Variants in EEF1E1 observed in about 807,000 individuals in gnomAD.
The protein encoded by EEF1E1 is eukaryotic translation elongation factor 1 epsilon 1.
EEF1E1 carries 19 observed loss-of-function variants against 19.9 expected under a neutral mutation model. That is an observed-to-expected ratio of 0.95 (90% CI 0.66 to 1.40). EEF1E1 has a LOEUF of 1.40. Ranked by LOEUF, EEF1E1 falls within the 40% of genes most tolerant of loss-of-function variation. EEF1E1 has a pLI of 0.00. For missense variants in EEF1E1, 198 were observed against 202.2 expected (o/e 0.98, Z 0.13); for synonymous variants, 81 against 80.0 (o/e 1.01, Z -0.07).
At chr6:8,086,855 T>G (rs527647762) in intron 3 of EEF1E1, among the ~76,000 whole-genome samples, 198 of 152,288 alleles carry the variant, frequency 1.3e-3, no homozygotes, top group Admixed American at 3.4e-3. Flanking sequence ...GACAATGGTG[T>G]TACAAATATG....
intron 1 of EEF1E1, among the ~76,000 whole-genome samples, chr6:8,100,358 C>G (rs1758314106): frequency 6.6e-6 from 1 of 152,190 alleles, no homozygotes; most frequent in Admixed American, 6.5e-5. Context: ...TCAGAATTAA[C>G]TTCCTTTTTC....
Position 8,079,792 on chromosome 6 carries a change from T to C in EEF1E1, c.*98A>G, listed in dbSNP as rs1757681392. ...AAATTCTATCAACTTCAACAAATAA[T>C]GAATGACTGTATATTAATTTACATT... On this transcript the variant is annotated 3_prime_UTR_variant, in exon 4 of 4. Transcript: ENST00000379715. 4 of 1,392,068 alleles carry C rather than the reference T, an allele frequency of 2.9e-6. No individual in the cohort carries two copies. The African/African-American group carries it at 5.7e-5, about 20-fold the overall frequency. The allele number at this position is 1,392,068 out of a possible 1,614,324, so 86.2% of individuals were successfully genotyped here.
rs1758388456 is a variant in EEF1E1 at position 8,102,309 on chromosome 6, A to T, written c.87+126T>A. On this transcript the variant is annotated intron_variant, in intron 1 of 3. Coordinates refer to ENST00000379715, the MANE Select transcript of EEF1E1 (RefSeq NM_004280.5). ...GCGCCAGCCGGCTAGCGGCGCAGAC[A>T]CGTGGGGAGCTGGGTAGCAGCATCC... is the stretch of plus-strand genomic sequence containing the variant. 4 of 1,047,350 alleles carry T rather than the reference A, an allele frequency of 3.8e-6. No individual in the cohort carries two copies. In the South Asian group the frequency reaches 6.7e-5, roughly 18 times the overall value. 64.9% of individuals were successfully genotyped at this position (1,047,350 alleles called of 1,614,324 possible). A position where few individuals can be genotyped will look rare whatever the true frequency, so the allele number is the denominator to read the frequency against.
chr6:8,090,887 T>G (rs1365361312), intron 2 of EEF1E1, among the ~76,000 whole-genome samples: 1 of 152,244 alleles, frequency 6.6e-6, no homozygotes, highest in Non-Finnish European at 1.5e-5. Context: ...TTTTTAGGGC[T>G]GCATAATATT....
intron 2 of EEF1E1, 97 bp downstream of exon 2, chr6:8,097,170 G>C: frequency 8.4e-7 from 1 of 1,197,598 alleles, no homozygotes; most frequent in Non-Finnish European, 1.2e-6. Flanking sequence ...AAGGAAAGAG[G>C]TGAAGAAGGC....
At chr6:8,102,398 T>G in intron 1 of EEF1E1, 37 bp downstream of exon 1, 1 of 1,592,576 alleles carries the variant, frequency 6.3e-7, no homozygotes, top group Non-Finnish European at 8.5e-7. Flanking sequence ...CCCGCTCCCG[T>G]CCACCTCTTC....
rs570866609 is a variant in EEF1E1 at position 8,101,757 on chromosome 6, T to G, written c.87+678A>C. 17 of 1,289,290 alleles carry G rather than the reference T, an allele frequency of 1.3e-5. No homozygotes were observed. The African/African-American group carries it at 2.4e-4, about 18-fold the overall frequency. 79.9% of individuals were successfully genotyped at this position (1,289,290 alleles called of 1,614,324 possible). On this transcript the variant is annotated intron_variant, in intron 1 of 3. Transcript: ENST00000379715. Reference sequence around the variant, plus strand: ...GTTCTAACAGTGCCTAACCAGGCAATCTCATACCTTGTGATGTTTCCCGCA... The same window carrying G: ...GTTCTAACAGTGCCTAACCAGGCAAGCTCATACCTTGTGATGTTTCCCGCA...
intron 1 of EEF1E1, among the ~76,000 whole-genome samples, chr6:8,099,770 ACACACACACACACACACAC>A (rs1561646223): frequency 1.1e-4 from 13 of 122,298 alleles, no homozygotes; most frequent in African/African-American, 4.2e-4. Flanking sequence ...ACACACACAC[ACACACACACACACACACAC>A]ACAAAAAAAA....
downstream of EEF1E1, among the ~76,000 whole-genome samples, chr6:8,078,972 G>A (rs927931931): frequency 5.9e-5 from 9 of 152,180 alleles, no homozygotes; most frequent in Middle Eastern, 3.4e-3. Flanking sequence ...GAAAGCCCCC[G>A]AAGACCCCAT....
At chr6:8,076,271 T>C (rs1757584724), downstream of EEF1E1, among the ~76,000 whole-genome samples, 2 of 152,050 alleles carry the variant, frequency 1.3e-5, no homozygotes, top group African/African-American at 4.8e-5. Context: ...ATCAGAGAAA[T>C]CACTATCTAT....
chr6:8,092,724 A>G (rs1758046231), intron 2 of EEF1E1, among the ~76,000 whole-genome samples: 1 of 152,216 alleles, frequency 6.6e-6, no homozygotes, highest in Non-Finnish European at 1.5e-5. Context: ...AAGAAATAAA[A>G]TATCTTCATT....
chr6:8,101,383 G>A (rs1375965837), intron 1 of EEF1E1, among the ~76,000 whole-genome samples: 1 of 147,076 alleles, frequency 6.8e-6, no homozygotes, highest in Non-Finnish European at 1.5e-5. Context: ...ACTAAGCTAG[G>A]GAGTAGGGGC....
chr6:8,080,839 T>C lies in EEF1E1; in HGVS notation c.385-809A>G, dbSNP rs149856204. Among the ~76,000 whole-genome samples, 273 of 152,358 alleles carry C rather than the reference T, an allele frequency of 1.8e-3. 3 individuals carry two copies. Among genetic ancestry groups the C allele is most frequent in the African/African-American group, 6.3e-3 (261 of 41,588 alleles). On this transcript the variant is annotated intron_variant, in intron 3 of 3. Coordinates refer to ENST00000379715, the MANE Select transcript of EEF1E1 (RefSeq NM_004280.5). ...TAACAGATAGTGCAAGTCTCTATAATGCTGACAGGAGTGTTTGCAGAAAGA... is the reference window on the plus strand; with the variant it reads ...TAACAGATAGTGCAAGTCTCTATAACGCTGACAGGAGTGTTTGCAGAAAGA...
At chr6:8,078,433 G>T (rs578050263), downstream of EEF1E1, 61 of 189,918 alleles carry the variant, frequency 3.2e-4, no homozygotes, top group South Asian at 1.8e-3. Flanking sequence ...TAGTAACAAA[G>T]ATCACGGGAC....
chr6:8,077,067 C>T (rs1417865629), downstream of EEF1E1, among the ~76,000 whole-genome samples: 3 of 151,630 alleles, frequency 2.0e-5, no homozygotes, highest in East Asian at 2.0e-4. Flanking sequence ...CCTCAGCTTC[C>T]CGAGTAGCTG....
At position 8,090,299 on chromosome 6, in the gene EEF1E1, CAAAT is replaced by C. The variant is rs781071273; in HGVS notation, c.289-22_289-19del. The C allele has an allele frequency of 2.0e-5, 28 of 1,427,026 alleles. No individual in the cohort carries two copies. Among genetic ancestry groups the C allele is most frequent in the Non-Finnish European group, 2.4e-5 (26 of 1,081,480 alleles). The allele number at this position is 1,427,026 out of a possible 1,614,324, so 88.4% of individuals were successfully genotyped here. Reference sequence around the variant, plus strand: ...TTAAGATCCTAGAAAAAAGAAAAAACAAATAAATATTAATGTAAAAAACAGTAAT... The same window carrying C: ...TTAAGATCCTAGAAAAAAGAAAAAACAAATATTAATGTAAAAAACAGTAAT... On this transcript the variant is annotated intron_variant, in intron 2 of 3. Coordinates refer to ENST00000379715, the MANE Select transcript of EEF1E1 (RefSeq NM_004280.5).
At chr6:8,077,647 T>G (rs961150697), downstream of EEF1E1, among the ~76,000 whole-genome samples, 1 of 152,204 alleles carries the variant, frequency 6.6e-6, no homozygotes, top group Non-Finnish European at 1.5e-5. Flanking sequence ...CTTCATAGAA[T>G]CGAAGAGAGT....
chr6:8,086,586 G>A (rs1757860651), intron 3 of EEF1E1, among the ~76,000 whole-genome samples: 1 of 152,178 alleles, frequency 6.6e-6, no homozygotes, highest in Admixed American at 6.5e-5. Flanking sequence ...CACACATTAA[G>A]ACACTTCAGT....
intron 2 of EEF1E1, among the ~76,000 whole-genome samples, chr6:8,096,088 T>G (rs1221057493): frequency 2.0e-5 from 3 of 152,266 alleles, no homozygotes; most frequent in Admixed American, 6.5e-5. Context: ...ATTAAATATT[T>G]ACATGTCTCA....
Sources: allele counts gnomAD v4.1 joint callset (sites outside exome capture counted in the v4.1 genomes callset), GRCh38; gene constraint gnomAD v4.1.1; transcripts MANE v1.5; gene names NCBI Gene and HGNC (gene_info 2026-07-23, HGNC 2026-07-21).